FRMPD4: variants seen among roughly 807,000 people sequenced by gnomAD.
FRMPD4 encodes FERM and PDZ domain containing 4, also known as FERM and PDZ domain-containing protein 4.
In FRMPD4, 22 loss-of-function variants were observed where a neutral mutation model predicts 94.1. That is an observed-to-expected ratio of 0.23 (90% CI 0.17 to 0.33). The LOEUF (loss-of-function observed/expected upper bound fraction) is 0.33, where lower values mean the gene tolerates loss of function less well. Among genes scored for constraint, FRMPD4 ranks in the 10% least tolerant of loss-of-function variants. The pLI, the probability that FRMPD4 is intolerant of heterozygous loss-of-function variation, is 1.00. For missense variants in FRMPD4, 1,111 were observed against 1,339.9 expected (o/e 0.83, Z 2.67); for synonymous variants, 631 against 548.6 (o/e 1.15, Z -2.10).
At chrX:12,098,034 CAG>C (rs1303775169) in intron 3 of FRMPD4, among the ~76,000 whole-genome samples, 2 of 112,034 alleles carry the variant, frequency 1.8e-5, no homozygotes, top group African/African-American at 6.5e-5. Context: ...ACTATCCCAC[CAG>C]CAATTTACAA....
intron 1 of FRMPD4, among the ~76,000 whole-genome samples, chrX:12,390,820 C>T (rs1467446624): frequency 8.9e-6 from 1 of 112,121 alleles, no homozygotes; most frequent in African/African-American, 3.2e-5. Flanking sequence ...AATTTTCTTT[C>T]TGCTCACAGA....
chrX:12,608,686 CT>C (rs2059153007), intron 2 of FRMPD4, among the ~76,000 whole-genome samples: 1 of 112,525 alleles, frequency 8.9e-6, no homozygotes, highest in Non-Finnish European at 1.9e-5. Context: ...AACTTAACAG[CT>C]TTTCACAAAG....
chrX:12,723,343 G>A lies in FRMPD4; in HGVS notation c.*1485G>A. The stretch of plus-strand genomic sequence containing the variant: ...TTAAGAACATGATGGGAGTACACCA[G>A]GTGCAAATATTTCTACTTTTGTAGC... On this transcript the variant is annotated 3_prime_UTR_variant, in exon 17 of 17. Coordinates refer to ENST00000675598, the MANE Select transcript of FRMPD4 (RefSeq NM_001368397.1). The A allele has an allele frequency of 1.8e-5, 2 of 111,067 alleles. No individual in the cohort carries two copies. The highest frequency in any genetic ancestry group is 3.8e-5 in the Non-Finnish European group (2 of 53,017). 9.2% of individuals were successfully genotyped at this position (111,067 alleles called of 1,213,427 possible).
At chrX:11,824,460 C>T (rs1030608037) in intron 1 of FRMPD4, among the ~76,000 whole-genome samples, 4 of 111,292 alleles carry the variant, frequency 3.6e-5, no homozygotes, top group African/African-American at 1.3e-4. Context: ...AGGGATTGTC[C>T]TGTACATTGT....
At chrX:12,105,835 C>A (rs996008312) in intron 3 of FRMPD4, among the ~76,000 whole-genome samples, 1 of 112,089 alleles carries the variant, frequency 8.9e-6, no homozygotes, top group Admixed American at 9.4e-5. Context: ...TTTCATGATA[C>A]CCAGTAAGTC....
intron 1 of FRMPD4, among the ~76,000 whole-genome samples, chrX:12,444,413 T>C (rs938558813): frequency 9.2e-6 from 1 of 108,849 alleles, no homozygotes; most frequent in African/African-American, 3.6e-5. Context: ...CATTTTCTTA[T>C]GAGAATGAGA....
intron 3 of FRMPD4, among the ~76,000 whole-genome samples, chrX:12,032,685 G>T (rs1380179536): frequency 1.8e-5 from 2 of 112,277 alleles, no homozygotes. Flanking sequence ...AAGGAAGAAA[G>T]AACACCTTCT....
chrX:12,360,790 A>T (rs1438865657), intron 1 of FRMPD4, among the ~76,000 whole-genome samples: 2 of 111,577 alleles, frequency 1.8e-5, no homozygotes, highest in African/African-American at 6.5e-5. Flanking sequence ...ATTTCAAGAA[A>T]TGAGTGTATT....
At chrX:12,289,914 GT>G (rs1478164943) in intron 1 of FRMPD4, among the ~76,000 whole-genome samples, 1 of 112,173 alleles carries the variant, frequency 8.9e-6, no homozygotes, top group African/African-American at 3.2e-5. Context: ...TGGTAAGGAA[GT>G]AATGTCATTA....
intron 1 of FRMPD4, among the ~76,000 whole-genome samples, chrX:12,207,449 G>A (rs1409794481): frequency 9.0e-6 from 1 of 110,618 alleles, no homozygotes; most frequent in Non-Finnish European, 1.9e-5. Context: ...CTTGTATTGT[G>A]CTAACTATTG....
intron 3 of FRMPD4, among the ~76,000 whole-genome samples, chrX:12,001,684 T>A (rs2054525248): frequency 8.9e-6 from 1 of 111,732 alleles, no homozygotes; most frequent in African/African-American, 3.3e-5. Context: ...AATTTTCAAT[T>A]TTGAATTTTT....
At chrX:11,892,273 A>G (rs1365375314) in intron 3 of FRMPD4, among the ~76,000 whole-genome samples, 1 of 112,180 alleles carries the variant, frequency 8.9e-6, no homozygotes, top group African/African-American at 3.2e-5. Context: ...GCCTCGGAGC[A>G]TATCTATAGG....
intron 1 of FRMPD4, among the ~76,000 whole-genome samples, chrX:11,858,373 T>C (rs1295526936): frequency 2.7e-5 from 3 of 111,446 alleles, no homozygotes; most frequent in Non-Finnish European, 5.7e-5. Flanking sequence ...TATGCAGCTA[T>C]AAAAAAGAAT....
intron 2 of FRMPD4, among the ~76,000 whole-genome samples, chrX:12,568,221 C>T (rs5978548): frequency 0.24 from 26,661 of 110,442 alleles, 2,634 homozygotes; most frequent in African/African-American, 0.38. Context: ...ATTGGTGATC[C>T]CTTGCATTTC....
chrX:12,697,195 A>C (rs1246837417), intron 9 of FRMPD4, among the ~76,000 whole-genome samples: 1 of 112,126 alleles, frequency 8.9e-6, no homozygotes, highest in Non-Finnish European at 1.9e-5. Context: ...GGTTTTTTAA[A>C]TGTTAAGCTT....
At chrX:12,621,966 A>AAGAGAAAG (rs1569369884) in intron 4 of FRMPD4, among the ~76,000 whole-genome samples, 4 of 63,144 alleles carry the variant, frequency 6.3e-5, no homozygotes, top group Non-Finnish European at 1.2e-4. Context: ...GAAAGAAAGA[A>AAGAGAAAG]AGAGAAAGAA....
At chrX:12,343,862 A>C (rs1399998977) in intron 1 of FRMPD4, among the ~76,000 whole-genome samples, 2 of 112,093 alleles carry the variant, frequency 1.8e-5, no homozygotes, top group Non-Finnish European at 3.8e-5. Flanking sequence ...ACAAAACCTG[A>C]AAGTAGGTTT....
At chrX:12,633,774 T>G (rs2059418355) in intron 4 of FRMPD4, among the ~76,000 whole-genome samples, 1 of 112,371 alleles carries the variant, frequency 8.9e-6, no homozygotes, top group African/African-American at 3.2e-5. Context: ...CAAATCAGAC[T>G]TATTCCAATA....
chrX:11,886,269 G>T (rs2053844594), intron 3 of FRMPD4, among the ~76,000 whole-genome samples: 1 of 111,950 alleles, frequency 8.9e-6, no homozygotes, highest in African/African-American at 3.2e-5. Flanking sequence ...AGATTTTTAA[G>T]GTGACAACTA....
Sources: allele counts gnomAD v4.1 joint callset (sites outside exome capture counted in the v4.1 genomes callset), GRCh38; gene constraint gnomAD v4.1.1; transcripts MANE v1.5; gene names NCBI Gene and HGNC (gene_info 2026-07-23, HGNC 2026-07-21).